The following MTF1 variants were observed in gnomAD, a reference collection of about 807,000 sequenced individuals.
The protein encoded by MTF1 is MRE-binding transcription factor.
A neutral mutation model predicts 70.4 loss-of-function variants in MTF1; 22 were observed. The ratio of observed to expected loss-of-function variants is 0.31; its 90% CI spans 0.22 to 0.45. The LOEUF is 0.45. Ranked by LOEUF, MTF1 falls within the 20% of genes least tolerant of loss-of-function variation. The probability of loss-of-function intolerance (pLI) is 1.00; values close to 1 mark genes in which losing one functional copy is unlikely to be tolerated. For missense variants in MTF1, 649 were observed against 922.0 expected, an observed-to-expected ratio of 0.70 and a Z score of 3.83; for synonymous variants, 333 against 352.8, an observed-to-expected ratio of 0.94 and a Z score of 0.63.
chr1:37,826,744 C>T (rs191737597), intron 7 of MTF1, among the ~76,000 whole-genome samples: 96 of 152,110 alleles, frequency 6.3e-4, no homozygotes, highest in African/African-American at 2.2e-3. Context: ...TGTGTGGGGC[C>T]GAGGCAGGCA....
intron 7 of MTF1, among the ~76,000 whole-genome samples, chr1:37,830,355 T>G (rs939595454): frequency 2.0e-5 from 3 of 152,252 alleles, no homozygotes; most frequent in African/African-American, 7.2e-5. Context: ...ATCCAGTGAA[T>G]TATTTCAGCT....
At chr1:37,830,970 G>T (rs1569860421) in intron 7 of MTF1, among the ~76,000 whole-genome samples, 1 of 152,168 alleles carries the variant, frequency 6.6e-6, no homozygotes. Flanking sequence ...CTGTCCTCTG[G>T]TTATTCAAGC....
intron 7 of MTF1, among the ~76,000 whole-genome samples, chr1:37,830,189 T>C (rs1641066024): frequency 6.6e-6 from 1 of 152,232 alleles, no homozygotes. Flanking sequence ...AAATTTCTTT[T>C]AGAACATTAG....
intron 4 of MTF1, among the ~76,000 whole-genome samples, chr1:37,837,512 T>A (rs1641188114): frequency 6.6e-6 from 1 of 152,172 alleles, no homozygotes; most frequent in African/African-American, 2.4e-5. Flanking sequence ...TTTTTTTATT[T>A]TTATTTTTTT....
At chr1:37,857,833 G>T in intron 1 of MTF1, 124 bp from the exon 2 acceptor site, 2 of 592,648 alleles carry the variant, frequency 3.4e-6, no homozygotes, top group South Asian at 2.5e-5. Flanking sequence ...AACCATCCTT[G>T]GGAATAATTT....
intron 6 of MTF1, chr1:37,834,724 GGAT>G: frequency 2.1e-6 from 1 of 477,026 alleles, no homozygotes; most frequent in Non-Finnish European, 4.1e-6. Context: ...AAATTATCAA[GGAT>G]GAGCTGGCAG....
At chr1:37,844,618 G>C (rs1325394595) in intron 2 of MTF1, among the ~76,000 whole-genome samples, 2 of 152,208 alleles carry the variant, frequency 1.3e-5, no homozygotes. Context: ...AAAGGAGTCT[G>C]CATGTATCAA....
Position 37,815,060 on chromosome 1 carries a change from G to A in MTF1, c.*76C>T. On this transcript the variant is annotated 3_prime_UTR_variant, in exon 11 of 11. Transcript: ENST00000373036. This position sits in a 1 kb window ranked among gnomAD's most constrained non-coding sequence, Gnocchi z 4.5. ...AGATTTCTTCATCCTTCAAATTTCT[G>A]ACCCATGATGGCAGGCATTGTACCT... 8.2e-7 allele frequency: 1 copy of A among 1,218,456 alleles called. No individual in the cohort carries two copies. Among genetic ancestry groups the A allele is most frequent in the East Asian group, 2.4e-5 (1 of 41,748 alleles). The allele number at this position is 1,218,456 out of a possible 1,614,324, so 75.5% of individuals were successfully genotyped here.
At chr1:37,821,992 TA>T in intron 9 of MTF1, 128 bp downstream of exon 9, 1 of 740,126 alleles carries the variant, frequency 1.4e-6, no homozygotes, top group Non-Finnish European at 2.2e-6. Context: ...GGAAAATGAC[TA>T]AAAGGTAGAA....
At chr1:37,857,075 A>T (rs1641509253) in intron 2 of MTF1, among the ~76,000 whole-genome samples, 176 bp downstream of exon 2, 1 of 152,216 alleles carries the variant, frequency 6.6e-6, no homozygotes, top group Admixed American at 6.5e-5. Flanking sequence ...GTGGCTATAC[A>T]AACCAAAAGT....
At chr1:37,850,688 TAGGAAA>T (rs1283228963) in intron 2 of MTF1, among the ~76,000 whole-genome samples, 1 of 152,006 alleles carries the variant, frequency 6.6e-6, no homozygotes, top group African/African-American at 2.4e-5. Context: ...GGCCTTGTGG[TAGGAAA>T]AGACTATCTG....
At chr1:37,828,234 G>A in intron 7 of MTF1, 2 of 392,794 alleles carry the variant, frequency 5.1e-6, no homozygotes, top group Non-Finnish European at 1.0e-5. Context: ...GTGGTTGTCT[G>A]CAGGGAGAGA....
intron 2 of MTF1, among the ~76,000 whole-genome samples, chr1:37,849,359 G>A (rs1398023093): frequency 1.3e-5 from 2 of 152,060 alleles, no homozygotes; most frequent in African/African-American, 4.8e-5. Context: ...CCTGGAGGCG[G>A]AGGTTGCAGT....
chr1:37,857,275 T>C lies in MTF1; in HGVS notation c.384A>G (p.Glu128=), dbSNP rs1641511981. ...CTTCTTTACGTTTTGTTTCCGGACA[T>C]TCCGACTGCAGAGTGAGGGTTGCAC... ...IEGATLTLQS[E]CPETKRKEVK... The change falls in exon 2 of 11, where the codon GAA becomes GAG. Residue 128 remains glutamate, a synonymous_variant. Coordinates refer to ENST00000373036, the MANE Select transcript of MTF1 (RefSeq NM_005955.3). 3.1e-6 allele frequency: 5 copies of C among 1,613,106 alleles called. No individual in the cohort carries two copies. The highest frequency in any genetic ancestry group is 4.2e-6 in the Non-Finnish European group (5 of 1,179,062).
chr1:37,819,825 GC>G (rs1640883002), intron 9 of MTF1, among the ~76,000 whole-genome samples: 8 of 152,034 alleles, frequency 5.3e-5, no homozygotes, highest in Admixed American at 3.9e-4. Flanking sequence ...GCTGGTGCAT[GC>G]CTGTAGTCCC....
chr1:37,815,938 C>G lies in MTF1; in HGVS notation c.1832-372G>C, dbSNP rs1557584622. Among the ~76,000 whole-genome samples the G allele has an allele frequency of 2.0e-5, 3 of 152,164 alleles. No individual in the cohort carries two copies. Among genetic ancestry groups the G allele is most frequent in the African/African-American group, 7.2e-5 (3 of 41,440 alleles). On this transcript the variant is annotated intron_variant, in intron 10 of 10. Transcript: ENST00000373036. The surrounding 1 kb of genome is among the most constrained non-coding windows in gnomAD (Gnocchi z 4.5). ...TCCTTACGACTAAAATCCCTGGACACCTCTCTTCTGGAGAACTGACACTCA... is the reference window on the plus strand; with the variant it reads ...TCCTTACGACTAAAATCCCTGGACAGCTCTCTTCTGGAGAACTGACACTCA...
chr1:37,842,574 C>G (rs1335592264), intron 2 of MTF1, among the ~76,000 whole-genome samples: 1 of 152,230 alleles, frequency 6.6e-6, no homozygotes, highest in Non-Finnish European at 1.5e-5. Context: ...CTCTGAGATA[C>G]TTCTTTCCCT....
At chr1:37,828,548 G>T (rs1452705560) in intron 7 of MTF1, among the ~76,000 whole-genome samples, 1 of 152,070 alleles carries the variant, frequency 6.6e-6, no homozygotes, top group African/African-American at 2.4e-5. Flanking sequence ...CAGGTGATCC[G>T]CCTACCTCAG....
rs912507052 is a variant in MTF1 at position 37,811,491 on chromosome 1, T to C, written c.*3645A>G. On this transcript the variant is annotated 3_prime_UTR_variant, in exon 11 of 11. Transcript: ENST00000373036. ...AAAATAAAACTTTGTGGAAAGTATATATATGTATATATACACACAAAAGAA... is the reference window on the plus strand; with the variant it reads ...AAAATAAAACTTTGTGGAAAGTATACATATGTATATATACACACAAAAGAA... 6.6e-6 allele frequency: 1 copy of C among 152,648 alleles called. No individual in the cohort carries two copies. The allele number at this position is 152,648 out of a possible 1,614,324, so 9.5% of individuals were successfully genotyped here. A position where few individuals can be genotyped will look rare whatever the true frequency, so the allele number is the denominator to read the frequency against.
Sources: allele counts gnomAD v4.1 joint callset (sites outside exome capture counted in the v4.1 genomes callset), GRCh38; gene constraint gnomAD v4.1.1; non-coding constraint Gnocchi (gnomAD v3.1); transcripts MANE v1.5; gene names NCBI Gene and HGNC (gene_info 2026-07-23, HGNC 2026-07-21).